The following GABRA6 variants were observed in gnomAD, a reference collection of about 807,000 sequenced individuals.
GABRA6 encodes gamma-aminobutyric acid receptor subunit alpha-6.
Under a neutral mutation model 47.3 loss-of-function variants are expected in GABRA6, and 45 were observed. The ratio of observed to expected loss-of-function variants is 0.95; its 90% CI spans 0.75 to 1.22. The LOEUF (loss-of-function observed/expected upper bound fraction) is 1.22, where lower values mean the gene tolerates loss of function less well. GABRA6 is among the 50% of genes most tolerant of loss of function. The pLI is 0.00. For synonymous variants in GABRA6, 219 were observed against 194.7 expected (o/e 1.12, Z -1.04); for missense variants, 583 against 549.3 (o/e 1.06, Z -0.61).
rs1343330693 is a variant in GABRA6, at chr5:161,692,402, T to C, written c.1086+202T>C. Reference sequence around the variant, plus strand: ...CTTCATTTATCTTTGCTGTAAACTTTGGGCATTCTTCTTTCATCATCCTCA... The same window carrying C: ...CTTCATTTATCTTTGCTGTAAACTTCGGGCATTCTTCTTTCATCATCCTCA... On this transcript the variant is annotated intron_variant, in intron 8 of 8. Transcript: ENST00000274545. 2.0e-5 allele frequency among the ~76,000 whole-genome samples: 3 copies of C among 152,218 alleles called. No individual in the cohort carries two copies. In the East Asian group the frequency reaches 5.8e-4, roughly 29 times the overall value.
Position 161,701,490 on chromosome 5 carries a change from T to A in GABRA6, c.1087-8T>A. 6.2e-7 allele frequency: 1 copy of A among 1,614,044 alleles called. No individual in the cohort carries two copies. The highest frequency in any genetic ancestry group is 8.5e-7 in the Non-Finnish European group (1 of 1,179,998). Reference sequence around the variant, plus strand: ...CATTTGGGCTTAATATTTGTCTTTTTTCCACAGCATCCTGACTCCAAATAT... The same window carrying A: ...CATTTGGGCTTAATATTTGTCTTTTATCCACAGCATCCTGACTCCAAATAT... On this transcript the variant is annotated splice_polypyrimidine_tract_variant and splice_region_variant and intron_variant, in intron 8 of 8. Transcript: ENST00000274545.
intron 8 of GABRA6, among the ~76,000 whole-genome samples, chr5:161,693,324 G>T (rs1332191056): frequency 1.3e-5 from 2 of 151,884 alleles, no homozygotes; most frequent in Admixed American, 1.3e-4. Flanking sequence ...AGAAATGAGA[G>T]GCATCCCCAT....
intron 8 of GABRA6, among the ~76,000 whole-genome samples, chr5:161,699,524 G>A (rs1383584171): frequency 6.7e-6 from 1 of 149,592 alleles, no homozygotes; most frequent in Non-Finnish European, 1.5e-5. Flanking sequence ...ACACAGCCTG[G>A]TGATCCTGGG....
Position 161,689,798 on chromosome 5 carries a change from G to A in GABRA6, c.673+19G>A, listed in dbSNP as rs368251992. Reference sequence around the variant, plus strand: ...AACACAGGTAAGAATTTGACCAAAGGATGGAAATAATCCCTCAGGATGACT... The same window carrying A: ...AACACAGGTAAGAATTTGACCAAAGAATGGAAATAATCCCTCAGGATGACT... On this transcript the variant is annotated intron_variant, in intron 6 of 8. Coordinates refer to ENST00000274545, the MANE Select transcript of GABRA6 (RefSeq NM_000811.3). 2 of 1,608,100 alleles carry A rather than the reference G, an allele frequency of 1.2e-6. No homozygotes were observed. The highest frequency in any genetic ancestry group is 1.1e-5 in the South Asian group (1 of 90,916).
intron 8 of GABRA6, among the ~76,000 whole-genome samples, chr5:161,693,245 A>T (rs2113077544): frequency 6.6e-6 from 1 of 152,304 alleles, no homozygotes; most frequent in Admixed American, 6.5e-5. Context: ...TGAAAAGGTG[A>T]TCATTTTCTT....
At position 161,689,560 on chromosome 5, in the gene GABRA6, G is replaced by C. The variant is rs147538095; in HGVS notation, c.530-76G>C. 4,026 of 1,320,160 alleles carry C rather than the reference G, an allele frequency of 3.0e-3. 8 individuals are homozygous for C. The highest frequency in any genetic ancestry group is 3.9e-3 in the Non-Finnish European group (3,584 of 930,016). The allele number at this position is 1,320,160 out of a possible 1,614,324, so 81.8% of individuals were successfully genotyped here. On this transcript the variant is annotated intron_variant, in intron 5 of 8. Coordinates refer to ENST00000274545, the MANE Select transcript of GABRA6 (RefSeq NM_000811.3). ...CTATGTTTGTATTTCCTTTTTTATAGACAATGTGCACTTTGAAGGAAAAAA... is the reference window on the plus strand; with the variant it reads ...CTATGTTTGTATTTCCTTTTTTATACACAATGTGCACTTTGAAGGAAAAAA...
intron 3 of GABRA6, 64 bp downstream of exon 3, chr5:161,687,067 AATG>A (rs1754715595): frequency 7.7e-7 from 1 of 1,304,830 alleles, no homozygotes; most frequent in African/African-American, 1.5e-5. Flanking sequence ...TCCCAAAACT[AATG>A]ATAATGGGCA....
intron 3 of GABRA6, among the ~76,000 whole-genome samples, 154 bp from the exon 4 acceptor site, chr5:161,688,792 CAAT>C (rs1754741485): frequency 1.3e-5 from 2 of 152,080 alleles, no homozygotes; most frequent in African/African-American, 4.8e-5. Context: ...AGTTTGAGAA[CAAT>C]AATAACTAGC....
chr5:161,687,136 G>A (rs1754716820), intron 3 of GABRA6, 133 bp downstream of exon 3: 1 of 769,136 alleles, frequency 1.3e-6, no homozygotes, highest in Admixed American at 2.0e-5. Flanking sequence ...CATGCTGGGA[G>A]GGCATGACCA....
chr5:161,687,226 G>C, intron 3 of GABRA6: 1 of 571,718 alleles, frequency 1.7e-6, no homozygotes, highest in South Asian at 1.9e-5. Flanking sequence ...TTAAAATTAT[G>C]TCCTCTCTTC....
intron 5 of GABRA6, 147 bp from the exon 6 acceptor site, chr5:161,689,489 A>C: frequency 2.9e-6 from 3 of 1,025,222 alleles, no homozygotes; most frequent in Non-Finnish European, 4.5e-6. Flanking sequence ...CAATCTCATA[A>C]ATTGAGGCTT....
chr5:161,690,121 G>A (rs2113071847), intron 6 of GABRA6, 80 bp from the exon 7 acceptor site: 2 of 1,334,282 alleles, frequency 1.5e-6, no homozygotes, highest in Non-Finnish European at 1.1e-6. Flanking sequence ...TAATTTAAAA[G>A]TTGTCAAGAT....
intron 8 of GABRA6, among the ~76,000 whole-genome samples, chr5:161,692,790 A>G (rs1157095674): frequency 6.6e-6 from 1 of 152,228 alleles, no homozygotes; most frequent in African/African-American, 2.4e-5. Context: ...GCTTACGTTC[A>G]GTGAGAAATA....
chr5:161,697,587 C>A (rs757000727), intron 8 of GABRA6, among the ~76,000 whole-genome samples: 1 of 152,112 alleles, frequency 6.6e-6, no homozygotes, highest in Non-Finnish European at 1.5e-5. Context: ...AGACATTGGG[C>A]AATGTCTGGA....
In GABRA6 at chr5:161,702,055, C is replaced by A; in HGVS notation, c.*282C>A. The A allele has an allele frequency of 2.3e-6, 1 of 426,392 alleles. No homozygotes were observed. 26.4% of individuals were successfully genotyped at this position (426,392 alleles called of 1,614,324 possible). A position where few individuals can be genotyped will look rare whatever the true frequency, so the allele number is the denominator to read the frequency against. Reference sequence around the variant, plus strand: ...AGATGAATTTGTCAACTTTTGTCTTCCATTGTTCAGTATTTTTAATTGTCA... The same window carrying A: ...AGATGAATTTGTCAACTTTTGTCTTACATTGTTCAGTATTTTTAATTGTCA... On this transcript the variant is annotated 3_prime_UTR_variant, in exon 9 of 9. Coordinates refer to ENST00000274545, the MANE Select transcript of GABRA6 (RefSeq NM_000811.3).
intron 8 of GABRA6, among the ~76,000 whole-genome samples, chr5:161,700,265 G>A (rs186347663): frequency 0.012 from 1,801 of 152,272 alleles, 26 homozygotes; most frequent in Non-Finnish European, 0.019. Context: ...GTTTGCCCAC[G>A]TGGGTCACAT....
At chr5:161,692,795 G>A (rs1754816380) in intron 8 of GABRA6, among the ~76,000 whole-genome samples, 2 of 152,300 alleles carry the variant, frequency 1.3e-5, no homozygotes, top group Admixed American at 1.3e-4. Flanking sequence ...CGTTCAGTGA[G>A]AAATAGTTAT....
chr5:161,688,182 A>C (rs1404511062), intron 3 of GABRA6, among the ~76,000 whole-genome samples: 1 of 152,172 alleles, frequency 6.6e-6, no homozygotes, highest in African/African-American at 2.4e-5. Context: ...TATATTTTTA[A>C]AATGTAATCA....
At chr5:161,696,884 T>C (rs1240928811) in intron 8 of GABRA6, among the ~76,000 whole-genome samples, 1 of 152,198 alleles carries the variant, frequency 6.6e-6, no homozygotes, top group Non-Finnish European at 1.5e-5. Flanking sequence ...TTGCTCTTTC[T>C]AAAAACAAAT....
Sources: allele counts gnomAD v4.1 joint callset (sites outside exome capture counted in the v4.1 genomes callset), GRCh38; gene constraint gnomAD v4.1.1; transcripts MANE v1.5; gene names NCBI Gene and HGNC (gene_info 2026-07-23, HGNC 2026-07-21).